Variants in PCDHA11 observed in about 807,000 individuals in gnomAD.
PCDHA11 encodes the protein protocadherin alpha-11.
A neutral mutation model predicts 70.3 loss-of-function variants in PCDHA11; 61 were observed. The ratio of observed to expected loss-of-function variants is 0.87; its 90% CI spans 0.71 to 1.07. The LOEUF (loss-of-function observed/expected upper bound fraction) is 1.07. PCDHA11 is among the 50% of genes least tolerant of loss of function. The pLI is 0.00. For synonymous variants in PCDHA11, 633 were observed against 555.1 expected (o/e 1.14, Z -1.97); for missense variants, 1,324 against 1,237.5 (o/e 1.07, Z -1.05).
intron 1 of PCDHA11, among the ~76,000 whole-genome samples, chr5:140,941,368 G>A (rs2093051755): frequency 7.3e-6 from 1 of 136,646 alleles, no homozygotes; most frequent in Non-Finnish European, 1.5e-5. Context: ...CTAGGCTGGA[G>A]TGTAGTGACA....
intron 1 of PCDHA11, chr5:140,884,108 G>A (rs782424793): frequency 3.1e-6 from 5 of 1,613,286 alleles, no homozygotes; most frequent in Admixed American, 3.3e-5. Context: ...ATTGCAGCTG[G>A]CGGCGGTCGG....
chr5:140,927,493 C>G, intron 1 of PCDHA11: 1 of 1,614,144 alleles, frequency 6.2e-7, no homozygotes. Flanking sequence ...CACCCACCTG[C>G]TGGTGCTTAC....
intron 1 of PCDHA11, chr5:140,968,020 C>T: frequency 1.2e-6 from 2 of 1,614,202 alleles, no homozygotes; most frequent in Non-Finnish European, 1.7e-6. Flanking sequence ...TTGGAAACTC[C>T]TATACACTGG....
chr5:140,979,462 T>C (rs2096852361), intron 2 of PCDHA11, among the ~76,000 whole-genome samples: 1 of 152,304 alleles, frequency 6.6e-6, no homozygotes, highest in East Asian at 1.9e-4. Context: ...CAATAATTGA[T>C]TGCTATTGTT....
At position 140,869,899 on chromosome 5, in the gene PCDHA11, G is replaced by T; in HGVS notation, c.796G>T (p.Ala266Ser). Residue 266 changes from alanine (A) to serine (S), a missense_variant, in exon 1 of 4, where the codon GCC (alanine) becomes TCC (serine). Transcript: ENST00000398640. ...AGAAACTCTTGTGCTCAAACTAAAC[G>T]CCACAGACCGAGACGAAGGAGTCAA... ...AKETLVLKLN[A>S]TDRDEGVNGE... The T allele has an allele frequency of 6.2e-7, 1 of 1,610,464 alleles. No homozygotes were observed. Among genetic ancestry groups the T allele is most frequent in the South Asian group, 1.1e-5 (1 of 90,568 alleles).
rs1554229126 is a variant in PCDHA11 at position 140,967,062 on chromosome 5, T to C, written c.2392-11887T>C. 3 of 1,612,916 alleles carry C rather than the reference T, an allele frequency of 1.9e-6. No individual in the cohort carries two copies. In the Admixed American group the frequency reaches 5.0e-5, roughly 27 times the overall value. ...GAGCTGGACCTGACGAGTGGAGCGC[T>C]CTTCGTCAACGAGCGCATTGATCGG... On this transcript the variant is annotated intron_variant, in intron 1 of 3. Transcript: ENST00000398640.
chr5:140,885,283 T>C (rs1326439795), intron 1 of PCDHA11, among the ~76,000 whole-genome samples: 2 of 152,298 alleles, frequency 1.3e-5, no homozygotes, highest in Admixed American at 6.5e-5. Context: ...TATATACATA[T>C]ATAGAGAGAG....
chr5:140,887,880 G>A (rs2061617016), intron 1 of PCDHA11, among the ~76,000 whole-genome samples: 1 of 151,970 alleles, frequency 6.6e-6, no homozygotes, highest in African/African-American at 2.4e-5. Flanking sequence ...TCCTTTTGTA[G>A]TATCATATCT....
intron 1 of PCDHA11, among the ~76,000 whole-genome samples, chr5:140,978,464 C>T (rs1281042342): frequency 5.3e-5 from 8 of 152,226 alleles, no homozygotes; most frequent in Non-Finnish European, 2.9e-5. Flanking sequence ...CGCCCTGGGT[C>T]AAATATGCTG....
intron 1 of PCDHA11, chr5:140,877,829 C>T (rs1554170159): frequency 1.9e-6 from 3 of 1,594,494 alleles, no homozygotes; most frequent in Non-Finnish European, 2.6e-6. Context: ...TGTTTAAATC[C>T]TCCCAGTGAA....
intron 1 of PCDHA11, chr5:140,927,831 G>T: frequency 6.2e-7 from 1 of 1,614,186 alleles, no homozygotes; most frequent in Non-Finnish European, 8.5e-7. Flanking sequence ...TTGAGGCGAG[G>T]GACGAAGGTG....
chr5:140,916,242 T>A (rs1554197354), intron 1 of PCDHA11, among the ~76,000 whole-genome samples: 1 of 152,208 alleles, frequency 6.6e-6, no homozygotes, highest in Non-Finnish European at 1.5e-5. Flanking sequence ...AGCCAAAGCC[T>A]GGACTTGGGG....
chr5:140,967,887 T>G, intron 1 of PCDHA11: 1 of 1,614,078 alleles, frequency 6.2e-7, no homozygotes, highest in Non-Finnish European at 8.5e-7. Flanking sequence ...TATAGCCCAG[T>G]GCCTGAGAAT....
At chr5:140,986,524 G>GAACT (rs1403082336) in intron 3 of PCDHA11, among the ~76,000 whole-genome samples, 2 of 152,198 alleles carry the variant, frequency 1.3e-5, no homozygotes, top group Non-Finnish European at 2.9e-5. Flanking sequence ...GCCTGTGAGG[G>GAACT]AACTGGCCTG....
chr5:140,954,120 C>G (rs246026), intron 1 of PCDHA11, among the ~76,000 whole-genome samples: 85,718 of 152,076 alleles, frequency 0.56, 24,786 homozygotes, highest in African/African-American at 0.69. Flanking sequence ...GATCTTGTTC[C>G]TTTTTATGGA....
chr5:140,909,164 A>T (rs2074347084), intron 1 of PCDHA11, among the ~76,000 whole-genome samples: 1 of 152,238 alleles, frequency 6.6e-6, no homozygotes, highest in South Asian at 2.1e-4. Context: ...AGGGAAAATC[A>T]ATCAAGTTCT....
intron 1 of PCDHA11, among the ~76,000 whole-genome samples, chr5:140,906,837 A>C (rs543572104): frequency 2.0e-4 from 31 of 152,292 alleles, no homozygotes; most frequent in African/African-American, 7.5e-4. Flanking sequence ...GACTGATTTC[A>C]TCTTGAGAGT....
intron 1 of PCDHA11, among the ~76,000 whole-genome samples, chr5:140,938,157 G>C (rs532966795): frequency 6.6e-6 from 1 of 152,022 alleles, no homozygotes; most frequent in African/African-American, 2.4e-5. Context: ...CATTGCCCAG[G>C]CTAGTCTGGA....
In PCDHA11 at chr5:140,876,724, G is replaced by A. The variant is rs140611870; in HGVS notation, c.2391+5230G>A. On this transcript the variant is annotated intron_variant, in intron 1 of 3. Transcript: ENST00000398640. The stretch of plus-strand genomic sequence containing the variant: ...GGACAGCGCCCTGGACCGCGAGAGC[G>A]TGTCGGCCTATGAGCTGGTGGTGAC... The A allele has an allele frequency of 2.3e-4, 378 of 1,614,246 alleles. 3 individuals are homozygous for A. In the East Asian group the frequency reaches 2.9e-3, roughly 13 times the overall value.
Sources: gnomAD v4.1 joint callset for allele counts (sites outside exome capture counted in the v4.1 genomes callset) on GRCh38, gnomAD v4.1.1 for gene constraint, MANE v1.5 for transcripts, NCBI Gene and HGNC (gene_info 2026-07-23, HGNC 2026-07-21) for gene names.